Variants in DENND5B observed in about 807,000 individuals in gnomAD.
DENND5B encodes DENN domain-containing protein 5B.
Under a neutral mutation model 140.6 loss-of-function variants are expected in DENND5B, and 34 were observed. That is an observed-to-expected ratio of 0.24 (90% CI 0.18 to 0.32). The LOEUF (loss-of-function observed/expected upper bound fraction) is 0.32, where lower values mean the gene tolerates loss of function less well. Ranked by LOEUF, DENND5B falls within the 10% of genes least tolerant of loss-of-function variation. The pLI, the probability that DENND5B is intolerant of heterozygous loss-of-function variation, is 1.00. For missense variants in DENND5B, 1,142 were observed against 1,560.2 expected (o/e 0.73, Z 4.52); for synonymous variants, 551 against 562.1 (o/e 0.98, Z 0.28).
At chr12:31,546,595 G>A (rs1460661252) in intron 1 of DENND5B, among the ~76,000 whole-genome samples, 6 of 152,146 alleles carry the variant, frequency 3.9e-5, no homozygotes, top group African/African-American at 1.4e-4. Flanking sequence ...GCTGAGGCAG[G>A]AGAATCGCTT....
intron 1 of DENND5B, among the ~76,000 whole-genome samples, chr12:31,523,218 C>G (rs1422725330): frequency 6.6e-6 from 1 of 152,020 alleles, no homozygotes; most frequent in Non-Finnish European, 1.5e-5. Context: ...ACCACCACAC[C>G]TGCCTGGCTA....
intron 14 of DENND5B, 39 bp from the exon 15 acceptor site, chr12:31,402,682 T>C: frequency 1.3e-6 from 2 of 1,573,668 alleles, no homozygotes; most frequent in Middle Eastern, 1.7e-4. Context: ...AAAGCGGGAA[T>C]AAAATTCTCC....
In DENND5B at chr12:31,494,070, C is replaced by T. The variant is rs2138716795; in HGVS notation, c.237+1740G>A. The stretch of plus-strand genomic sequence containing the variant: ...TTCAGGCTTCTAAGAAGAGCCCTTC[C>T]TAAATAATCTGAAAACTATGACCTA... On this transcript the variant is annotated intron_variant, in intron 2 of 20. Transcript: ENST00000389082. Among the ~76,000 whole-genome samples the T allele has an allele frequency of 1.3e-5, 2 of 152,174 alleles. 1 individual carries two copies. The highest frequency in any genetic ancestry group is 4.2e-4 in the South Asian group (2 of 4,818).
rs1199673051 is a variant in DENND5B at position 31,386,087 on chromosome 12, C to G, written c.*1516G>C. 2 of 154,394 alleles carry G rather than the reference C, an allele frequency of 1.3e-5. No homozygotes were observed. The highest frequency in any genetic ancestry group is 4.8e-5 in the African/African-American group (2 of 41,528). 9.6% of individuals were successfully genotyped at this position (154,394 alleles called of 1,614,324 possible). On this transcript the variant is annotated 3_prime_UTR_variant, in exon 21 of 21. Coordinates refer to ENST00000389082, the MANE Select transcript of DENND5B (RefSeq NM_144973.4). The stretch of plus-strand genomic sequence containing the variant: ...GATAAAGGGAGTTAGGCACTTGTTT[C>G]ATCTGTTTCTTCCTCCAGGAAATAA...
At chr12:31,552,936 G>A (rs1377108328) in intron 1 of DENND5B, among the ~76,000 whole-genome samples, 1 of 151,804 alleles carries the variant, frequency 6.6e-6, no homozygotes, top group African/African-American at 2.4e-5. Context: ...TTTTTATTGC[G>A]CCTATTTGAT....
intron 1 of DENND5B, among the ~76,000 whole-genome samples, chr12:31,576,431 G>C (rs969492231): frequency 1.3e-5 from 2 of 151,840 alleles, no homozygotes; most frequent in African/African-American, 4.8e-5. Context: ...ACTCCAGCCT[G>C]GGAGACAGAG....
At chr12:31,433,046 G>GC in intron 8 of DENND5B, 109 bp downstream of exon 8, 2 of 834,984 alleles carry the variant, frequency 2.4e-6, no homozygotes, top group Non-Finnish European at 3.7e-6. Flanking sequence ...TAACTAAACA[G>GC]TTTTTTTTTT....
intron 1 of DENND5B, among the ~76,000 whole-genome samples, chr12:31,510,100 C>T (rs1947353081): frequency 6.6e-6 from 1 of 152,160 alleles, no homozygotes; most frequent in African/African-American, 2.4e-5. Context: ...GTGTCTGAAA[C>T]AACTTTTCCC....
intron 1 of DENND5B, among the ~76,000 whole-genome samples, chr12:31,512,385 A>ATT (rs58455943): frequency 7.0e-6 from 1 of 142,254 alleles, no homozygotes; most frequent in African/African-American, 2.6e-5. Flanking sequence ...CCCCTGGCTA[A>ATT]TTTTTTTTTT....
intron 1 of DENND5B, among the ~76,000 whole-genome samples, chr12:31,510,476 T>A (rs1361101411): frequency 6.6e-6 from 1 of 152,188 alleles, no homozygotes; most frequent in Non-Finnish European, 1.5e-5. Flanking sequence ...CCACCACACC[T>A]GGCTAAAGAA....
intron 1 of DENND5B, chr12:31,534,973 C>CTGAGGCA: frequency 4.0e-6 from 1 of 251,204 alleles, no homozygotes; most frequent in Non-Finnish European, 7.4e-6. Context: ...ACTTGGGAGG[C>CTGAGGCA]TGAGGCAGGA....
chr12:31,495,220 A>G (rs1407682078), intron 2 of DENND5B, among the ~76,000 whole-genome samples: 1 of 152,174 alleles, frequency 6.6e-6, no homozygotes, highest in Non-Finnish European at 1.5e-5. Flanking sequence ...AAGCTTCTAC[A>G]TATTAATACA....
At chr12:31,464,736 G>GT (rs1197612386) in intron 3 of DENND5B, among the ~76,000 whole-genome samples, 2 of 151,606 alleles carry the variant, frequency 1.3e-5, no homozygotes, top group East Asian at 2.0e-4. Context: ...AATTTTTTGT[G>GT]TTTTTTGTAG....
rs948052369 is a variant in DENND5B, at chr12:31,419,834, G to A, written c.2470+3763C>T. Among the ~76,000 whole-genome samples the A allele has an allele frequency of 3.3e-5, 5 of 151,932 alleles. No homozygotes were observed. In the South Asian group the frequency reaches 6.2e-4, roughly 19 times the overall value. ...CTAAAAATAGAAAAATTCACCAGGTGTGGTGGCACACGCCTGTAATCCCAG... is the reference window on the plus strand; with the variant it reads ...CTAAAAATAGAAAAATTCACCAGGTATGGTGGCACACGCCTGTAATCCCAG... On this transcript the variant is annotated intron_variant, in intron 11 of 20. Coordinates refer to ENST00000389082, the MANE Select transcript of DENND5B (RefSeq NM_144973.4).
chr12:31,518,698 A>G (rs1271832321), intron 1 of DENND5B, among the ~76,000 whole-genome samples: 1 of 151,328 alleles, frequency 6.6e-6, no homozygotes, highest in Non-Finnish European at 1.5e-5. Context: ...TTAATTCCAC[A>G]CTCACTGCAT....
At chr12:31,534,651 A>G (rs1212142664) in intron 1 of DENND5B, 6 of 208,694 alleles carry the variant, frequency 2.9e-5, no homozygotes, top group Non-Finnish European at 6.1e-5. Context: ...TCTTATGGGA[A>G]TATTTTATAT....
chr12:31,511,829 T>C (rs1232844570), intron 1 of DENND5B, among the ~76,000 whole-genome samples: 2 of 151,926 alleles, frequency 1.3e-5, no homozygotes, highest in Non-Finnish European at 2.9e-5. Flanking sequence ...TTATTTAAAA[T>C]ATTGGTAGCT....
intron 12 of DENND5B, among the ~76,000 whole-genome samples, chr12:31,414,547 C>T (rs1028597881): frequency 3.3e-5 from 5 of 152,048 alleles, no homozygotes; most frequent in Non-Finnish European, 5.9e-5. Flanking sequence ...AGGACGGGCA[C>T]AATGGCTCAC....
intron 1 of DENND5B, among the ~76,000 whole-genome samples, chr12:31,581,799 C>T (rs1340408096): frequency 6.6e-6 from 1 of 151,962 alleles, no homozygotes; most frequent in African/African-American, 2.4e-5. Context: ...AATCGCTCCT[C>T]ATGTGGTATA....
Sources: allele counts gnomAD v4.1 joint callset (sites outside exome capture counted in the v4.1 genomes callset), GRCh38; gene constraint gnomAD v4.1.1; transcripts MANE v1.5; gene names NCBI Gene and HGNC (gene_info 2026-07-23, HGNC 2026-07-21).